The following PDE4D variants were observed in gnomAD, a reference collection of about 807,000 sequenced individuals.
PDE4D encodes the protein phosphodiesterase 4D.
A neutral mutation model predicts 87.4 loss-of-function variants in PDE4D; 24 were observed. The observed-to-expected ratio is 0.27, with a 90% CI of 0.20 to 0.39. The LOEUF is 0.39. PDE4D is among the 10% of genes least tolerant of loss of function. PDE4D has a pLI of 1.00. For synonymous variants in PDE4D, 384 were observed against 383.2 expected (o/e 1.00, Z -0.02); for missense variants, 714 against 1,041.0 (o/e 0.69, Z 4.32).
At chr5:59,180,509 T>G in intron 5 of PDE4D, 86 bp downstream of exon 5, 76 of 1,000,902 alleles carry the variant, frequency 7.6e-5, no homozygotes, top group Non-Finnish European at 1.0e-4. Context: ...AATTGCAGCA[T>G]GAAATTGGTG....
At position 59,532,375 on chromosome 5, in the gene PDE4D, G is replaced by T. The variant is rs7710053; in HGVS notation, c.456-316407C>A. On this transcript the variant is annotated intron_variant, in intron 1 of 14. Coordinates refer to ENST00000340635, the MANE Select transcript of PDE4D (RefSeq NM_001104631.2). ...CTGGTCTTGAACTCCTGACCTCAGG[G>T]GATCTGCCTGCCTCAGCCTCCCAAA... Among the ~76,000 whole-genome samples the T allele has an allele frequency of 6.5e-3, 985 of 152,012 alleles. 8 individuals carry two copies. Among genetic ancestry groups the T allele is most frequent in the African/African-American group, 0.023 (954 of 41,464 alleles).
Position 60,003,697 on chromosome 5 carries a change from AG to A in PDE4D, c.43-14981del, listed in dbSNP as rs568013892. Among the ~76,000 whole-genome samples, 553 of 144,980 alleles carry A rather than the reference AG, an allele frequency of 3.8e-3. 1 individual carries two copies. Among genetic ancestry groups the A allele is most frequent in the Non-Finnish European group, 5.7e-3 (379 of 66,462 alleles). On this transcript the variant is annotated intron_variant, in intron 2 of 16. Coordinates refer to the PDE4D transcript ENST00000502484. The stretch of plus-strand genomic sequence containing the variant: ...GCACTCCAGCCTGGGCAACAGAGCG[AG>A]ACTCCATCTAAAAAAAAAAAAAAAA...
intron 1 of PDE4D, among the ~76,000 whole-genome samples, chr5:59,461,731 A>AT (rs1270322780): frequency 6.6e-6 from 1 of 151,918 alleles, no homozygotes; most frequent in Non-Finnish European, 1.5e-5. Context: ...AGAAAACCAG[A>AT]TTTTTTTCCT....
intron 5 of PDE4D, chr5:59,157,456 C>G: frequency 1.5e-6 from 1 of 654,284 alleles, no homozygotes; most frequent in Non-Finnish European, 2.8e-6. Context: ...TTGTAAACCA[C>G]TTGAATTTAC....
At chr5:58,980,861 G>A (rs1425528459) in intron 11 of PDE4D, among the ~76,000 whole-genome samples, 2 of 152,076 alleles carry the variant, frequency 1.3e-5, no homozygotes, top group Admixed American at 6.6e-5. Context: ...AATTGGCTCA[G>A]GCAATTATGG....
At chr5:60,114,623 A>T (rs1777973545) in intron 2 of PDE4D, among the ~76,000 whole-genome samples, 1 of 152,088 alleles carries the variant, frequency 6.6e-6, no homozygotes, top group South Asian at 2.1e-4. Context: ...CAAATGATTC[A>T]TTCCACAAGT....
At chr5:60,119,190 AACCTTATGCTC>A (rs1356953962) in intron 2 of PDE4D, among the ~76,000 whole-genome samples, 1 of 152,192 alleles carries the variant, frequency 6.6e-6, no homozygotes, top group Non-Finnish European at 1.5e-5. Context: ...TGATGATATT[AACCTTATGCTC>A]ACATGTTCCA....
In PDE4D at chr5:60,277,832, G is replaced by A. The variant is rs139384221; in HGVS notation, c.-89-92145C>T. Among the ~76,000 whole-genome samples the A allele has an allele frequency of 5.6e-4, 85 of 152,216 alleles. 1 individual carries two copies. The East Asian group carries it at 0.014, about 25-fold the overall frequency. The stretch of plus-strand genomic sequence containing the variant: ...TTGTCATTTTATCACTTAAAGTGAA[G>A]TATAGAAACCTTACCTCTTTGAACG... On this transcript the variant is annotated intron_variant, in intron 1 of 16. Transcript: ENST00000502484.
intron 1 of PDE4D, among the ~76,000 whole-genome samples, chr5:60,307,848 C>A (rs1294146146): frequency 6.6e-6 from 1 of 152,098 alleles, no homozygotes; most frequent in East Asian, 1.9e-4. Flanking sequence ...TGCAACCAGC[C>A]TGGCCAACAT....
chr5:60,337,388 TAC>T (rs370108536), intron 1 of PDE4D, among the ~76,000 whole-genome samples: 6 of 89,474 alleles, frequency 6.7e-5, no homozygotes, highest in Non-Finnish European at 8.7e-5. Flanking sequence ...TATATATATA[TAC>T]ACACACACAC....
intron 5 of PDE4D, chr5:59,039,194 G>C (rs939697263): frequency 3.8e-6 from 5 of 1,311,946 alleles, no homozygotes; most frequent in African/African-American, 1.5e-5. Context: ...CCAGCTTGGC[G>C]TCTCGGGTCG....
At chr5:59,800,623 C>T (rs975617473) in intron 1 of PDE4D, among the ~76,000 whole-genome samples, 2 of 151,906 alleles carry the variant, frequency 1.3e-5, no homozygotes, top group African/African-American at 2.4e-5. Flanking sequence ...CCACCCCTAC[C>T]CCCCTACTAT....
chr5:59,790,862 G>C (rs767888213), intron 1 of PDE4D, among the ~76,000 whole-genome samples: 4 of 152,132 alleles, frequency 2.6e-5, no homozygotes, highest in Non-Finnish European at 5.9e-5. Context: ...TTAAACCCAG[G>C]TTGCTGCAAT....
At chr5:60,399,668 G>A (rs1740867875) in intron 1 of PDE4D, among the ~76,000 whole-genome samples, 1 of 152,256 alleles carries the variant, frequency 6.6e-6, no homozygotes, top group Non-Finnish European at 1.5e-5. Context: ...CCAGTTGCCA[G>A]GCCAGTAGGT....
Position 60,436,062 on chromosome 5 carries a change from C to T in PDE4D, c.-90+51880G>A, listed in dbSNP as rs1180944903. 2.4e-4 allele frequency among the ~76,000 whole-genome samples: 37 copies of T among 151,988 alleles called. 1 individual carries two copies. Among genetic ancestry groups the T allele is most frequent in the Non-Finnish European group, 2.9e-5 (2 of 67,926 alleles). ...GTAGATAATGAAACTCTGGAGAAGCCTGCCAGAGAAGCTTTTCAGGTAGCA... is the reference window on the plus strand; with the variant it reads ...GTAGATAATGAAACTCTGGAGAAGCTTGCCAGAGAAGCTTTTCAGGTAGCA... On this transcript the variant is annotated intron_variant, in intron 1 of 16. Transcript: ENST00000502484.
chr5:59,749,223 T>C (rs1485512201), intron 1 of PDE4D, among the ~76,000 whole-genome samples: 1 of 152,202 alleles, frequency 6.6e-6, no homozygotes, highest in African/African-American at 2.4e-5. Context: ...AGTTGACCTA[T>C]GAGCAGCATC....
intron 2 of PDE4D, among the ~76,000 whole-genome samples, chr5:60,039,270 T>A (rs892201737): frequency 6.6e-6 from 1 of 151,944 alleles, no homozygotes; most frequent in African/African-American, 2.4e-5. Flanking sequence ...AAAAAATGAG[T>A]TCATGTCCTT....
At chr5:59,685,832 C>T (rs926344460) in intron 1 of PDE4D, among the ~76,000 whole-genome samples, 1 of 151,992 alleles carries the variant, frequency 6.6e-6, no homozygotes, top group African/African-American at 2.4e-5. Context: ...TTTCTGACCA[C>T]GATAAGCACA....
chr5:59,708,355 T>C lies in PDE4D; in HGVS notation c.455+184813A>G, dbSNP rs190525741. 2.8e-3 allele frequency among the ~76,000 whole-genome samples: 433 copies of C among 152,258 alleles called. 6 individuals are homozygous for C. The highest frequency in any genetic ancestry group is 9.3e-4 in the Non-Finnish European group (63 of 68,018). On this transcript the variant is annotated intron_variant, in intron 1 of 14. Transcript: ENST00000340635. ...TGAAGGAGATAGACATGAAAAGCCC[T>C]TTGAAAAATCAAGGAATACAGGAGC...
Sources: allele counts gnomAD v4.1 joint callset (sites outside exome capture counted in the v4.1 genomes callset), GRCh38; gene constraint gnomAD v4.1.1; transcripts MANE v1.5; gene names NCBI Gene and HGNC (gene_info 2026-07-23, HGNC 2026-07-21).